DCAF6: variants seen among roughly 807,000 people sequenced by gnomAD.
The protein encoded by DCAF6 is DDB1 and CUL4 associated factor 6, also known as DDB1- and CUL4-associated factor 6.
DCAF6 carries 54 observed loss-of-function variants against 125.1 expected under a neutral mutation model. The observed-to-expected ratio is 0.43, with a 90% CI of 0.35 to 0.54. The LOEUF (loss-of-function observed/expected upper bound fraction) is 0.54. Ranked by LOEUF, DCAF6 falls within the 20% of genes least tolerant of loss-of-function variation. The probability of loss-of-function intolerance (pLI) is 0.01; values close to 1 mark genes in which losing one functional copy is unlikely to be tolerated. For missense variants in DCAF6, 934 were observed against 1,161.7 expected, an observed-to-expected ratio of 0.80 and a Z score of 2.85; for synonymous variants, 371 against 390.4, an observed-to-expected ratio of 0.95 and a Z score of 0.58.
At chr1:167,968,053 C>T (rs893701484) in intron 3 of DCAF6, among the ~76,000 whole-genome samples, 1 of 152,014 alleles carries the variant, frequency 6.6e-6, no homozygotes, top group African/African-American at 2.4e-5. Context: ...ATCTTTAAGT[C>T]TTTTAACATC....
chr1:167,991,216 A>G lies in DCAF6; in HGVS notation c.565A>G (p.Asn189Asp). The G allele has an allele frequency of 6.2e-7, 1 of 1,610,934 alleles. No individual in the cohort carries two copies. Among genetic ancestry groups the G allele is most frequent in the Non-Finnish European group, 8.5e-7 (1 of 1,179,236 alleles). ...KEDCKDDILI[N>D]CRRAATSVAI... ...TTATGTTTTGTAGGATATTTTAATT[A>G]ACTGTCGACGTGCTGCCACGTCTGT... The change falls in exon 6 of 22, where the codon AAC (asparagine) becomes GAC (aspartate). Residue 189 changes from asparagine (N) to aspartate (D), a missense_variant. Asn to Asp is a conservative substitution (Grantham distance 23, BLOSUM62 1). This residue lies in a region of DCAF6 where 309 missense variants were observed against 381.2 expected (regional missense o/e 0.81). Transcript: ENST00000367840.
At chr1:168,005,001 T>C (rs1481521904) in intron 10 of DCAF6, among the ~76,000 whole-genome samples, 1 of 152,216 alleles carries the variant, frequency 6.6e-6, no homozygotes, top group East Asian at 1.9e-4. Context: ...ATCTTCAATT[T>C]ATATAAAACA....
intron 1 of DCAF6, among the ~76,000 whole-genome samples, chr1:167,942,045 A>G (rs1010085698): frequency 6.6e-6 from 1 of 152,070 alleles, no homozygotes; most frequent in Non-Finnish European, 1.5e-5. Context: ...GTAGAAATAT[A>G]TCATTGTTTT....
intron 10 of DCAF6, among the ~76,000 whole-genome samples, chr1:168,007,767 CTCTCT>C (rs991495197): frequency 2.6e-5 from 4 of 151,658 alleles, no homozygotes; most frequent in Non-Finnish European, 5.9e-5. Context: ...TTAGTTTGGG[CTCTCT>C]TCTCTTCTCT....
At chr1:168,024,734 G>A (rs1423977542) in intron 12 of DCAF6, among the ~76,000 whole-genome samples, 2 of 151,474 alleles carry the variant, frequency 1.3e-5, no homozygotes, top group African/African-American at 4.9e-5. Flanking sequence ...AACCTGGGAG[G>A]CGGAGGTTAC....
chr1:167,922,017 G>C, the DCAF6 span, among the ~76,000 whole-genome samples: 1 of 152,212 alleles, frequency 6.6e-6, no homozygotes, highest in East Asian at 1.9e-4. Flanking sequence ...CATATGGTCT[G>C]AGAGTCTTCA....
chr1:167,885,788 G>T, the DCAF6 span, among the ~76,000 whole-genome samples: 1 of 151,982 alleles, frequency 6.6e-6, no homozygotes, highest in African/African-American at 2.4e-5. Context: ...CTAATTTTTT[G>T]TATTTTTAGT....
intron 16 of DCAF6, among the ~76,000 whole-genome samples, 182 bp from the exon 17 acceptor site, chr1:168,050,710 T>C (rs116214470): frequency 0.012 from 1,780 of 152,340 alleles, 41 homozygotes; most frequent in African/African-American, 0.04. Flanking sequence ...TTTCCTTAAT[T>C]TCTTCATATA....
the DCAF6 span, among the ~76,000 whole-genome samples, chr1:167,896,950 T>A: frequency 6.6e-6 from 1 of 152,182 alleles, no homozygotes; most frequent in African/African-American, 2.4e-5. Flanking sequence ...ATCTTATACT[T>A]TTCTGCCCTT....
intron 1 of DCAF6, among the ~76,000 whole-genome samples, chr1:167,947,015 G>C (rs1054117266): frequency 2.0e-5 from 3 of 152,116 alleles, no homozygotes; most frequent in Non-Finnish European, 2.9e-5. Context: ...GCTTTTCTTT[G>C]TTGGGAGATT....
At chr1:168,011,415 C>T (rs1210359577) in intron 10 of DCAF6, among the ~76,000 whole-genome samples, 3 of 152,066 alleles carry the variant, frequency 2.0e-5, no homozygotes, top group Non-Finnish European at 4.4e-5. Context: ...TGCGCCCGAC[C>T]CAGAATTTTT....
intron 4 of DCAF6, among the ~76,000 whole-genome samples, chr1:167,979,364 A>G (rs887216553): frequency 1.1e-4 from 16 of 152,148 alleles, no homozygotes; most frequent in African/African-American, 3.9e-4. Flanking sequence ...GCATCTATCA[A>G]CAGCTCTCCT....
At chr1:167,976,788 A>G (rs919853838) in intron 4 of DCAF6, among the ~76,000 whole-genome samples, 1 of 147,796 alleles carries the variant, frequency 6.8e-6, no homozygotes, top group Admixed American at 6.8e-5. Context: ...GTTTAGATTT[A>G]CCTGCATATT....
chr1:167,909,554 T>G, the DCAF6 span, among the ~76,000 whole-genome samples: 10 of 147,484 alleles, frequency 6.8e-5, no homozygotes, highest in Non-Finnish European at 1.5e-4. Context: ...GATTTTTTTG[T>G]GATTTTTTTT....
chr1:168,074,231 C>T (rs149067870), intron 21 of DCAF6, among the ~76,000 whole-genome samples: 46 of 151,966 alleles, frequency 3.0e-4, no homozygotes, highest in African/African-American at 1.1e-3. Flanking sequence ...ACCTAGGATC[C>T]AGTGGGAGCA....
At chr1:167,869,724 G>C in the DCAF6 span, among the ~76,000 whole-genome samples, 5 of 152,146 alleles carry the variant, frequency 3.3e-5, no homozygotes, top group African/African-American at 1.2e-4. Flanking sequence ...TTACTCAATC[G>C]ATCACGACCC....
At chr1:168,025,269 T>C (rs1049582639) in intron 12 of DCAF6, among the ~76,000 whole-genome samples, 1 of 152,206 alleles carries the variant, frequency 6.6e-6, no homozygotes, top group African/African-American at 2.4e-5. Flanking sequence ...AGAAAAATTA[T>C]GATTAACTCC....
chr1:167,896,237 T>C, the DCAF6 span, among the ~76,000 whole-genome samples: 1 of 152,152 alleles, frequency 6.6e-6, no homozygotes, highest in Non-Finnish European at 1.5e-5. Flanking sequence ...TAAGGGGACA[T>C]GAGAGCAGGT....
chr1:168,029,043 T>A (rs1208382901), intron 12 of DCAF6, among the ~76,000 whole-genome samples: 1 of 152,164 alleles, frequency 6.6e-6, no homozygotes, highest in Non-Finnish European at 1.5e-5. Context: ...TTTCTTCCTA[T>A]CCCCAACTAC....
Sources: allele counts gnomAD v4.1 joint callset (sites outside exome capture counted in the v4.1 genomes callset), GRCh38; gene constraint gnomAD v4.1.1; regional missense constraint gnomAD v4.1.1; transcripts MANE v1.5; gene names NCBI Gene and HGNC (gene_info 2026-07-23, HGNC 2026-07-21).